The following MGAT5B variants were observed in gnomAD, a reference collection of about 807,000 sequenced individuals.
MGAT5B encodes the protein alpha-1,6-mannosylglycoprotein 6-beta-N-acetylglucosaminyltransferase B, also known as N-acetylglucosaminyl-transferase Vb.
In MGAT5B, 54 loss-of-function variants were observed where a neutral mutation model predicts 95.1. The observed-to-expected ratio is 0.57, with a 90% CI of 0.46 to 0.71. The LOEUF is 0.71. Among genes scored for constraint, MGAT5B ranks in the 30% least tolerant of loss-of-function variants. MGAT5B has a pLI of 0.00. For synonymous variants in MGAT5B, 464 were observed against 451.0 expected, an observed-to-expected ratio of 1.03 and a Z score of -0.36; for missense variants, 935 against 1,088.6, an observed-to-expected ratio of 0.86 and a Z score of 1.99.
chr17:76,914,325 G>C lies in MGAT5B; in HGVS notation c.1025+8138G>C, dbSNP rs1039056768. On this transcript the variant is annotated intron_variant, in intron 8 of 17. Transcript: ENST00000569840. The surrounding 1 kb of genome is among the most constrained non-coding windows in gnomAD (Gnocchi z 5.1). ...GTGTCTGCACTCCTCCAAGGAGCTT[G>C]GCCAGGAGCCGGGAGGAGAAAGAGC... Among the ~76,000 whole-genome samples the C allele has an allele frequency of 6.6e-6, 1 of 152,214 alleles. No homozygotes were observed. The highest frequency in any genetic ancestry group is 1.5e-5 in the Non-Finnish European group (1 of 68,046).
intron 8 of MGAT5B, among the ~76,000 whole-genome samples, chr17:76,919,518 A>G (rs969582389): frequency 1.3e-5 from 2 of 152,182 alleles, no homozygotes; most frequent in African/African-American, 2.4e-5. Context: ...CAGCCTTAAC[A>G]TCCCAGGTTC....
intron 3 of MGAT5B, among the ~76,000 whole-genome samples, chr17:76,890,393 T>A (rs1967821301): frequency 6.6e-6 from 1 of 152,242 alleles, no homozygotes; most frequent in Non-Finnish European, 1.5e-5. Context: ...TAGGTATGTG[T>A]GCTAGGTACA....
rs368430701 is a variant in MGAT5B at position 76,925,108 on chromosome 17, G to A, written c.1157+11G>A. The A allele has an allele frequency of 5.2e-5, 83 of 1,610,292 alleles. No homozygotes were observed. Among genetic ancestry groups the A allele is most frequent in the South Asian group, 2.4e-4 (22 of 91,012 alleles). Reference sequence around the variant, plus strand: ...CTTCAAGAAGTACCGGTGAGAGGGCGGCCAGAGGGTGGGCACGTGGCCCAC... The same window carrying A: ...CTTCAAGAAGTACCGGTGAGAGGGCAGCCAGAGGGTGGGCACGTGGCCCAC... On this transcript the variant is annotated intron_variant, in intron 9 of 17. Coordinates refer to ENST00000569840, the MANE Select transcript of MGAT5B (RefSeq NM_001199172.2).
In MGAT5B at chr17:76,905,984, C is replaced by T; in HGVS notation, c.856-34C>T. 1.3e-6 allele frequency: 2 copies of T among 1,556,582 alleles called. No homozygotes were observed. The highest frequency in any genetic ancestry group is 4.9e-5 in the East Asian group (2 of 40,684). Reference sequence around the variant, plus strand: ...GGGGCGGGGCTCAGAGCTGCTGCTCCTCTCTGCTGACCCTCTGTGTTCCGC... The same window carrying T: ...GGGGCGGGGCTCAGAGCTGCTGCTCTTCTCTGCTGACCCTCTGTGTTCCGC... On this transcript the variant is annotated intron_variant, in intron 7 of 17. Coordinates refer to ENST00000569840, the MANE Select transcript of MGAT5B (RefSeq NM_001199172.2). This position sits in a 1 kb window ranked among gnomAD's most constrained non-coding sequence, Gnocchi z 4.2.
Position 76,938,074 on chromosome 17 carries a change from G to T in MGAT5B, c.1515G>T (p.Val505=). 1 of 1,614,260 alleles carries T rather than the reference G, an allele frequency of 6.2e-7. No homozygotes were observed. ...ACGAGAGCCAGCGGCCCCCCGAGGT[G>T]CCAGCCTTTGTGAAGAACCACGGCC... ...VYYESQRPPE[V]PAFVKNHGLL... The change falls in exon 13 of 18, where the codon GTG becomes GTT. Residue 505 remains valine, a synonymous_variant. Coordinates refer to ENST00000569840, the MANE Select transcript of MGAT5B (RefSeq NM_001199172.2). The surrounding 1 kb of genome is among the most constrained non-coding windows in gnomAD (Gnocchi z 4.3).
intron 2 of MGAT5B, among the ~76,000 whole-genome samples, chr17:76,874,739 G>C (rs952341557): frequency 2.6e-5 from 4 of 152,094 alleles, no homozygotes; most frequent in Non-Finnish European, 4.4e-5. Context: ...GCCCCATCTG[G>C]GCAGGATCAG....
Position 76,869,072 on chromosome 17 carries a change from T to G in MGAT5B, c.43T>G (p.Cys15Gly). The change falls in exon 1 of 18, where the codon TGC (cysteine) becomes GGC (glycine). Residue 15 changes from cysteine to glycine, a missense_variant. Physicochemically the swap from Cys to Gly is radical, Grantham distance 159 (BLOSUM62 -3). Transcript: ENST00000569840. This position sits in a 1 kb window ranked among gnomAD's most constrained non-coding sequence, Gnocchi z 7.0. ...CGATGGGAAGATAATGGTCAGAAGA[T>G]GCCTGGTCACCCTGAGACCCTTTCG... ...NPDGKIMVRR[C>G]LVTLRPFRLF... The G allele has an allele frequency of 3.7e-6, 6 of 1,614,112 alleles. No individual in the cohort carries two copies. In the South Asian group the frequency reaches 4.4e-5, roughly 12 times the overall value.
At chr17:76,933,192 G>A in intron 11 of MGAT5B, 100 bp from the exon 12 acceptor site, 1 of 1,494,720 alleles carries the variant, frequency 6.7e-7, no homozygotes, top group African/African-American at 1.4e-5. Flanking sequence ...AGGGTTGGGG[G>A]CCCCAGAGAG....
intron 3 of MGAT5B, among the ~76,000 whole-genome samples, chr17:76,891,421 C>G (rs749208232): frequency 3.3e-5 from 5 of 152,116 alleles, no homozygotes; most frequent in Non-Finnish European, 5.9e-5. Flanking sequence ...CCTCTGTCAA[C>G]CAGTCTGGAG....
At chr17:76,892,658 C>T (rs115744249) in intron 3 of MGAT5B, among the ~76,000 whole-genome samples, 2,793 of 152,348 alleles carry the variant, frequency 0.018, 90 homozygotes, top group African/African-American at 0.061. Flanking sequence ...GAGCGGCGCA[C>T]GGGCGGGGCA....
At chr17:76,936,312 G>A (rs1969670543) in intron 12 of MGAT5B, among the ~76,000 whole-genome samples, 1 of 152,212 alleles carries the variant, frequency 6.6e-6, no homozygotes, top group African/African-American at 2.4e-5. Context: ...GGAGGCTGAG[G>A]CAGGAGAATT....
chr17:76,885,769 C>A (rs1344083825), intron 3 of MGAT5B, among the ~76,000 whole-genome samples: 1 of 152,198 alleles, frequency 6.6e-6, no homozygotes, highest in Non-Finnish European at 1.5e-5. Context: ...CCTGTGAAAG[C>A]CGCCTGCTCA....
Position 76,916,782 on chromosome 17 carries a change from C to T in MGAT5B, c.1026-8184C>T, listed in dbSNP as rs989221290. On this transcript the variant is annotated intron_variant, in intron 8 of 17. Transcript: ENST00000569840. The surrounding 1 kb of genome is among the most constrained non-coding windows in gnomAD (Gnocchi z 5.3). ...AAGGGATGAGGGGACCAGTGTTCTT[C>T]CTCTGCCAAGGACAGACCAAGAGAG... Among the ~76,000 whole-genome samples, 1 of 152,258 alleles carries T rather than the reference C, an allele frequency of 6.6e-6. No homozygotes were observed. Among genetic ancestry groups the T allele is most frequent in the South Asian group, 2.1e-4 (1 of 4,826 alleles).
intron 2 of MGAT5B, among the ~76,000 whole-genome samples, chr17:76,878,432 G>T (rs1967277918): frequency 6.6e-6 from 1 of 152,144 alleles, no homozygotes; most frequent in Admixed American, 6.5e-5. Context: ...TGGTCATCGT[G>T]AAACCCAGGC....
rs374293807 is a variant in MGAT5B at position 76,914,108 on chromosome 17, AGAG to A, written c.1025+7922_1025+7924del. 0.071 allele frequency: 12,310 copies of A among 172,966 alleles called. 628 individuals carry two copies. The highest frequency in any genetic ancestry group is 0.11 in the East Asian group (684 of 6,114). The allele number at this position is 172,966 out of a possible 1,614,324, so 10.7% of individuals were successfully genotyped here. On this transcript the variant is annotated intron_variant, in intron 8 of 17. Coordinates refer to ENST00000569840, the MANE Select transcript of MGAT5B (RefSeq NM_001199172.2). This position sits in a 1 kb window ranked among gnomAD's most constrained non-coding sequence, Gnocchi z 5.1. ...AAAGCAAGACTGTCTCAAAAAAAAA[AGAG>A]AAGAAGAAGAAGAAAGAAAGAAGGA...
At chr17:76,879,060 T>G (rs1365044491) in intron 2 of MGAT5B, among the ~76,000 whole-genome samples, 2 of 152,196 alleles carry the variant, frequency 1.3e-5, no homozygotes, top group South Asian at 2.1e-4. Context: ...CTTTGTTGAC[T>G]TTCAGGGGCC....
At chr17:76,883,873 T>G (rs563810105) in intron 3 of MGAT5B, among the ~76,000 whole-genome samples, 1 of 152,174 alleles carries the variant, frequency 6.6e-6, no homozygotes, top group Non-Finnish European at 1.5e-5. Flanking sequence ...GTGGGAGGGT[T>G]GGAGGGATGC....
At chr17:76,878,457 C>T (rs1397478948) in intron 2 of MGAT5B, among the ~76,000 whole-genome samples, 1 of 152,102 alleles carries the variant, frequency 6.6e-6, no homozygotes, top group Non-Finnish European at 1.5e-5. Context: ...ATGACCCATG[C>T]CTCTGTATGT....
chr17:76,880,812 G>A (rs9909585), intron 2 of MGAT5B, among the ~76,000 whole-genome samples: 32,231 of 152,074 alleles, frequency 0.21, 4,112 homozygotes, highest in East Asian at 0.39. Context: ...ATTCTCGGCA[G>A]TGCAGCTTTC....
Sources: gnomAD v4.1 joint callset for allele counts (sites outside exome capture counted in the v4.1 genomes callset) on GRCh38, gnomAD v4.1.1 for gene constraint, Gnocchi (gnomAD v3.1) non-coding constraint, MANE v1.5 for transcripts, NCBI Gene and HGNC (gene_info 2026-07-23, HGNC 2026-07-21) for gene names.